The following SPAG16 variants were observed in gnomAD, a reference collection of about 807,000 sequenced individuals.
SPAG16 encodes the protein sperm-associated antigen 16 protein.
In SPAG16, 86 loss-of-function variants were observed where a neutral mutation model predicts 80.4. That is an observed-to-expected ratio of 1.07 (90% CI 0.90 to 1.28). The LOEUF (loss-of-function observed/expected upper bound fraction) is 1.28, where lower values mean the gene tolerates loss of function less well. SPAG16 is among the 50% of genes most tolerant of loss of function. The pLI, the probability that SPAG16 is intolerant of heterozygous loss-of-function variation, is 0.00. For synonymous variants in SPAG16, 294 were observed against 265.9 expected (o/e 1.11, Z -1.03); for missense variants, 870 against 765.3 (o/e 1.14, Z -1.61).
chr2:213,722,479 A>G (rs1262360959), intron 10 of SPAG16, among the ~76,000 whole-genome samples: 1 of 152,156 alleles, frequency 6.6e-6, no homozygotes, highest in Non-Finnish European at 1.5e-5. Context: ...ATAGGGCAGG[A>G]AATAGAAGGG....
At chr2:213,727,295 T>A (rs1182057862) in intron 10 of SPAG16, among the ~76,000 whole-genome samples, 2 of 152,154 alleles carry the variant, frequency 1.3e-5, no homozygotes, top group Non-Finnish European at 2.9e-5. Context: ...TCCTGGAGAT[T>A]AATTCTGCAG....
At chr2:213,858,832 A>G (rs1484382848) in intron 10 of SPAG16, among the ~76,000 whole-genome samples, 2 of 152,130 alleles carry the variant, frequency 1.3e-5, no homozygotes, top group African/African-American at 2.4e-5. Context: ...CTGTGGAATC[A>G]ATGATTATTA....
intron 2 of SPAG16, 106 bp from the exon 3 acceptor site, chr2:213,297,156 A>G (rs1475234236): frequency 6.7e-7 from 1 of 1,482,548 alleles, no homozygotes; most frequent in Non-Finnish European, 9.1e-7. Context: ...TACATAAAGT[A>G]TTTCTTTGAT....
chr2:213,932,329 C>T (rs997188846), intron 12 of SPAG16, among the ~76,000 whole-genome samples: 4 of 151,446 alleles, frequency 2.6e-5, no homozygotes, highest in African/African-American at 4.9e-5. Context: ...AGTTAACCTG[C>T]CTCAGCCTCC....
intron 15 of SPAG16, among the ~76,000 whole-genome samples, chr2:214,192,388 A>G (rs1214026147): frequency 6.6e-6 from 1 of 152,088 alleles, no homozygotes; most frequent in Non-Finnish European, 1.5e-5. Context: ...TAACTTTACA[A>G]TCCTGGTGAA....
At chr2:213,408,552 C>T (rs541336728) in intron 9 of SPAG16, among the ~76,000 whole-genome samples, 2 of 150,090 alleles carry the variant, frequency 1.3e-5, no homozygotes, top group Admixed American at 6.5e-5. Context: ...CTGAAAATCC[C>T]CCTAACCCAG....
At chr2:213,623,650 A>G (rs1430114508) in intron 10 of SPAG16, among the ~76,000 whole-genome samples, 1 of 152,158 alleles carries the variant, frequency 6.6e-6, no homozygotes, top group Non-Finnish European at 1.5e-5. Flanking sequence ...GAAGAGACAA[A>G]TTGTTCCAGT....
rs2074668520 is a variant in SPAG16 at position 213,847,088 on chromosome 2, C to G, written c.1071-15397C>G. Reference sequence around the variant, plus strand: ...AACATTCCTTCATCTTCAAAATAGGCTAGGCAGATTAAGTTTCCTCATGCT... The same window carrying G: ...AACATTCCTTCATCTTCAAAATAGGGTAGGCAGATTAAGTTTCCTCATGCT... On this transcript the variant is annotated intron_variant, in intron 10 of 15. Transcript: ENST00000331683. 1.3e-5 allele frequency among the ~76,000 whole-genome samples: 2 copies of G among 152,112 alleles called. 1 individual carries two copies. The highest frequency in any genetic ancestry group is 3.9e-4 in the East Asian group (2 of 5,182).
intron 5 of SPAG16, among the ~76,000 whole-genome samples, chr2:213,338,567 G>A (rs888981881): frequency 2.0e-5 from 3 of 152,156 alleles, no homozygotes; most frequent in African/African-American, 7.2e-5. Flanking sequence ...GCATGTGTAT[G>A]TTCATTGCAG....
rs1448471072 is a variant in SPAG16, at chr2:214,041,984, A to G, written c.1527+27907A>G. ...TATTTGTGTGTCTGTGTGTGTATAT[A>G]TATATATATATATATATATATATAC... is the stretch of plus-strand genomic sequence containing the variant. On this transcript the variant is annotated intron_variant, in intron 13 of 15. Coordinates refer to ENST00000331683, the MANE Select transcript of SPAG16 (RefSeq NM_024532.5). Among the ~76,000 whole-genome samples the G allele has an allele frequency of 8.7e-5, 10 of 115,062 alleles. No homozygotes were observed. The East Asian group carries it at 9.6e-4, about 11-fold the overall frequency. The allele number at this position is 115,062 out of a possible 152,430, so 75.5% of individuals were successfully genotyped here.
chr2:214,271,866 G>T (rs371777213), intron 15 of SPAG16, among the ~76,000 whole-genome samples: 1 of 141,790 alleles, frequency 7.1e-6, no homozygotes, highest in African/African-American at 2.5e-5. Context: ...AAAAAAGAAA[G>T]AAAAAAGGAA....
At chr2:213,713,295 T>C (rs2066087699) in intron 10 of SPAG16, among the ~76,000 whole-genome samples, 1 of 152,170 alleles carries the variant, frequency 6.6e-6, no homozygotes, top group South Asian at 2.1e-4. Context: ...GGATGGGCCA[T>C]ATTTCTTGTA....
intron 15 of SPAG16, among the ~76,000 whole-genome samples, chr2:214,376,472 T>G (rs1292669946): frequency 2.0e-5 from 3 of 152,152 alleles, no homozygotes; most frequent in Admixed American, 1.3e-4. Flanking sequence ...TCTGCCTGCT[T>G]GACCTAAGGA....
chr2:213,712,932 T>G (rs180765804), intron 10 of SPAG16, among the ~76,000 whole-genome samples: 1 of 152,078 alleles, frequency 6.6e-6, no homozygotes, highest in East Asian at 1.9e-4. Flanking sequence ...GGCTGGGTAA[T>G]TTATAAAGAA....
intron 13 of SPAG16, among the ~76,000 whole-genome samples, chr2:214,078,425 G>A (rs753478519): frequency 5.3e-5 from 8 of 150,912 alleles, no homozygotes; most frequent in Non-Finnish European, 7.4e-5. Flanking sequence ...GCATGGTGGC[G>A]CACTCCTAGA....
At chr2:214,209,270 A>G (rs1010173169) in intron 15 of SPAG16, among the ~76,000 whole-genome samples, 1 of 152,132 alleles carries the variant, frequency 6.6e-6, no homozygotes, top group African/African-American at 2.4e-5. Context: ...AGATAGGAAG[A>G]AGGATCAGAA....
chr2:214,233,081 A>G (rs1244239277), intron 15 of SPAG16, among the ~76,000 whole-genome samples: 3 of 152,060 alleles, frequency 2.0e-5, no homozygotes, highest in African/African-American at 4.8e-5. Context: ...ACTGTTTTAT[A>G]TCATTTAGAA....
intron 12 of SPAG16, among the ~76,000 whole-genome samples, chr2:213,957,830 A>G (rs189060813): frequency 5.3e-5 from 8 of 152,150 alleles, no homozygotes; most frequent in Admixed American, 2.0e-4. Flanking sequence ...TTGAATTTAT[A>G]CCAGCTTAAC....
chr2:214,371,183 A>T (rs1699791587), intron 15 of SPAG16, among the ~76,000 whole-genome samples: 1 of 151,986 alleles, frequency 6.6e-6, no homozygotes, highest in Non-Finnish European at 1.5e-5. Flanking sequence ...TAATATATAT[A>T]CTCGACAGGG....
Sources: allele counts gnomAD v4.1 joint callset (sites outside exome capture counted in the v4.1 genomes callset), GRCh38; gene constraint gnomAD v4.1.1; transcripts MANE v1.5; gene names NCBI Gene and HGNC (gene_info 2026-07-23, HGNC 2026-07-21).